The following SLC35F1 variants were observed in gnomAD, a reference collection of about 807,000 sequenced individuals.
SLC35F1 encodes chromosome 6 open reading frame 169.
Under a neutral mutation model 48.7 loss-of-function variants are expected in SLC35F1, and 14 were observed. The observed-to-expected ratio is 0.29, with a 90% CI of 0.19 to 0.45. The LOEUF is 0.45. Among genes scored for constraint, SLC35F1 ranks in the 20% least tolerant of loss-of-function variants. SLC35F1 has a pLI of 1.00. For synonymous variants in SLC35F1, 190 were observed against 202.2 expected (o/e 0.94, Z 0.51); for missense variants, 404 against 500.0 (o/e 0.81, Z 1.83).
intron 7 of SLC35F1, 85 bp downstream of exon 7, chr6:118,285,423 C>A: frequency 6.7e-7 from 1 of 1,494,314 alleles, no homozygotes. Context: ...TGTGAAATGC[C>A]CTGATTTTGT....
chr6:118,129,686 A>T (rs1773681749), intron 1 of SLC35F1, among the ~76,000 whole-genome samples: 1 of 152,138 alleles, frequency 6.6e-6, no homozygotes, highest in Non-Finnish European at 1.5e-5. Context: ...CTAGGCTGTG[A>T]GAGAGAGGGG....
intron 1 of SLC35F1, among the ~76,000 whole-genome samples, chr6:118,046,961 A>AT (rs1414756733): frequency 1.7e-3 from 3 of 1,782 alleles, no homozygotes; most frequent in East Asian, 0.083. Flanking sequence ...TTTTTGAGAT[A>AT]TAAAAAAATC....
At chr6:118,172,963 A>C (rs1774428576) in intron 2 of SLC35F1, among the ~76,000 whole-genome samples, 1 of 152,152 alleles carries the variant, frequency 6.6e-6, no homozygotes, top group South Asian at 2.1e-4. Context: ...ATGAAGGAGA[A>C]AGAAATAGTG....
chr6:117,911,851 A>G (rs1361911124), intron 1 of SLC35F1, among the ~76,000 whole-genome samples: 1 of 152,190 alleles, frequency 6.6e-6, no homozygotes, highest in Non-Finnish European at 1.5e-5. Flanking sequence ...ACCCTCTCAA[A>G]GAAACTGCTG....
intron 6 of SLC35F1, among the ~76,000 whole-genome samples, chr6:118,280,606 A>C (rs1203352798): frequency 6.6e-6 from 1 of 152,102 alleles, no homozygotes; most frequent in African/African-American, 2.4e-5. Context: ...GGCCAGGTGC[A>C]GTGGCTCACA....
At chr6:118,037,262 TG>T (rs1468696208) in intron 1 of SLC35F1, among the ~76,000 whole-genome samples, 1 of 152,230 alleles carries the variant, frequency 6.6e-6, no homozygotes, top group East Asian at 1.9e-4. Flanking sequence ...AATATATAAT[TG>T]AGTCTAGCTT....
intron 1 of SLC35F1, among the ~76,000 whole-genome samples, chr6:117,930,357 A>C (rs1204189220): frequency 6.6e-6 from 1 of 152,108 alleles, no homozygotes; most frequent in Non-Finnish European, 1.5e-5. Flanking sequence ...GGCAGGACTC[A>C]TATCTTTTGA....
At chr6:118,135,518 G>T (rs1161491368) in intron 1 of SLC35F1, among the ~76,000 whole-genome samples, 1 of 152,164 alleles carries the variant, frequency 6.6e-6, no homozygotes, top group Admixed American at 6.5e-5. Flanking sequence ...AGCCATCTGT[G>T]CTGACTGTTG....
intron 7 of SLC35F1, among the ~76,000 whole-genome samples, chr6:118,313,779 T>C (rs922894095): frequency 2.4e-4 from 36 of 152,216 alleles, no homozygotes; most frequent in African/African-American, 8.4e-4. Flanking sequence ...GATCCTCAGA[T>C]TGGCACTTTA....
intron 1 of SLC35F1, among the ~76,000 whole-genome samples, chr6:118,021,897 T>C (rs998816214): frequency 1.3e-5 from 2 of 152,178 alleles, no homozygotes; most frequent in Non-Finnish European, 2.9e-5. Flanking sequence ...TGGTTGTCAC[T>C]GGGGCCTCTG....
intron 1 of SLC35F1, among the ~76,000 whole-genome samples, chr6:118,102,639 C>T (rs1328386637): frequency 3.3e-5 from 5 of 152,232 alleles, no homozygotes; most frequent in Non-Finnish European, 2.9e-5. Context: ...AAATCAGCCT[C>T]AGATGGAGAG....
chr6:118,126,556 A>T lies in SLC35F1; in HGVS notation c.174-27889A>T, dbSNP rs1405305888. Among the ~76,000 whole-genome samples the T allele has an allele frequency of 4.0e-5, 6 of 151,690 alleles. No homozygotes were observed. In the South Asian group the frequency reaches 1.3e-3, roughly 32 times the overall value. The stretch of plus-strand genomic sequence containing the variant: ...GCTTGATGGGGATGGCATTGAATCT[A>T]TAAATTACCTTGGGCAATATGGCCA... On this transcript the variant is annotated intron_variant, in intron 1 of 7. Transcript: ENST00000360388.
chr6:118,144,078 C>G (rs1306300113), intron 1 of SLC35F1, among the ~76,000 whole-genome samples: 1 of 152,128 alleles, frequency 6.6e-6, no homozygotes, highest in Non-Finnish European at 1.5e-5. Context: ...CCAGCAATCC[C>G]ATTACTGGGT....
chr6:118,027,747 T>A lies in SLC35F1; in HGVS notation c.173+119848T>A, dbSNP rs184611043. On this transcript the variant is annotated intron_variant, in intron 1 of 7. Coordinates refer to ENST00000360388, the MANE Select transcript of SLC35F1 (RefSeq NM_001029858.4). ...TGTTTACAATTTTTTCTTCCCCATC[T>A]GAGGCTGTCTTTTTATTTTATTTAT... Among the ~76,000 whole-genome samples the A allele has an allele frequency of 1.4e-3, 220 of 152,276 alleles. 1 individual carries two copies. Among genetic ancestry groups the A allele is most frequent in the South Asian group, 8.1e-3 (39 of 4,834 alleles).
At chr6:118,039,506 A>G (rs979455146) in intron 1 of SLC35F1, among the ~76,000 whole-genome samples, 1 of 151,716 alleles carries the variant, frequency 6.6e-6, no homozygotes, top group Non-Finnish European at 1.5e-5. Flanking sequence ...TATTGTTTCA[A>G]AGGTCTCTGA....
chr6:118,300,242 T>C (rs1776240409), intron 7 of SLC35F1, among the ~76,000 whole-genome samples: 1 of 152,118 alleles, frequency 6.6e-6, no homozygotes, highest in South Asian at 2.1e-4. Flanking sequence ...TTGTAGTGGG[T>C]ATATCGTAGT....
Position 118,128,718 on chromosome 6 carries a change from G to A in SLC35F1, c.174-25727G>A, listed in dbSNP as rs549237885. 6.7e-3 allele frequency among the ~76,000 whole-genome samples: 1,007 copies of A among 151,312 alleles called. 9 individuals carry two copies. Among genetic ancestry groups the A allele is most frequent in the Middle Eastern group, 0.014 (4 of 294 alleles). On this transcript the variant is annotated intron_variant, in intron 1 of 7. Transcript: ENST00000360388. ...GGAGATATTCCTAATGCTAAATGAC[G>A]ACTTAATGGGTGCAGCACAACAGCA...
intron 2 of SLC35F1, among the ~76,000 whole-genome samples, chr6:118,177,149 A>C (rs147483690): frequency 3.4e-4 from 51 of 152,224 alleles, no homozygotes; most frequent in African/African-American, 1.0e-3. Context: ...CCCATCTTTA[A>C]GGACTGCTGC....
chr6:118,058,261 C>G (rs1000361942), intron 1 of SLC35F1, among the ~76,000 whole-genome samples: 2 of 152,036 alleles, frequency 1.3e-5, no homozygotes, highest in Middle Eastern at 3.2e-3. Flanking sequence ...TTTTAGATTT[C>G]TCTTTCCTCC....
Sources: gnomAD v4.1 joint callset for allele counts (sites outside exome capture counted in the v4.1 genomes callset) on GRCh38, gnomAD v4.1.1 for gene constraint, MANE v1.5 for transcripts, NCBI Gene and HGNC (gene_info 2026-07-23, HGNC 2026-07-21) for gene names.